Variants in LRRK1 observed in about 807,000 individuals in gnomAD.
LRRK1 encodes leucine-rich repeat serine/threonine-protein kinase 1.
In LRRK1, 113 loss-of-function variants were observed where a neutral mutation model predicts 209.1. The ratio of observed to expected loss-of-function variants is 0.54; its 90% CI spans 0.46 to 0.63. The LOEUF (loss-of-function observed/expected upper bound fraction) is 0.63. LRRK1 is among the 30% of genes least tolerant of loss of function. The pLI is 0.00. For missense variants in LRRK1, 2,284 were observed against 2,632.2 expected, an observed-to-expected ratio of 0.87 and a Z score of 2.89; for synonymous variants, 1,144 against 1,099.7, an observed-to-expected ratio of 1.04 and a Z score of -0.80.
intron 6 of LRRK1, among the ~76,000 whole-genome samples, chr15:100,991,006 T>C (rs1373774896): frequency 6.6e-6 from 1 of 152,202 alleles, no homozygotes; most frequent in Non-Finnish European, 1.5e-5. Context: ...TTTGTGTGTA[T>C]TGTATGAGGG....
rs569190650 is a variant in LRRK1 at position 101,024,353 on chromosome 15, A to T, written c.2068-450A>T. ...AGCTCATCTTTTGTTTGATTCCCAC[A>T]GGGTGGGAGGGAGTTTCCCAGCATC... On this transcript the variant is annotated intron_variant, in intron 15 of 33. Coordinates refer to ENST00000388948, the MANE Select transcript of LRRK1 (RefSeq NM_024652.6). This position sits in a 1 kb window ranked among gnomAD's most constrained non-coding sequence, Gnocchi z 4.6. Among the ~76,000 whole-genome samples, 38 of 152,304 alleles carry T rather than the reference A, an allele frequency of 2.5e-4. No homozygotes were observed. Among genetic ancestry groups the T allele is most frequent in the Non-Finnish European group, 4.4e-4 (30 of 68,018 alleles).
chr15:101,058,787 TA>T (rs113354333), intron 29 of LRRK1, among the ~76,000 whole-genome samples: 23 of 147,844 alleles, frequency 1.6e-4, no homozygotes, highest in African/African-American at 4.0e-4. Flanking sequence ...TTGCCAGAGT[TA>T]AAAAAAAAAC....
chr15:100,947,999 G>T (rs74041858), intron 2 of LRRK1, among the ~76,000 whole-genome samples: 11,209 of 152,282 alleles, frequency 0.074, 988 homozygotes, highest in African/African-American at 0.21. Context: ...TAAGACAGTT[G>T]CTTGACAAGG....
intron 10 of LRRK1, among the ~76,000 whole-genome samples, chr15:101,012,900 CG>C (rs57376372): frequency 3.4e-4 from 51 of 149,800 alleles, no homozygotes; most frequent in African/African-American, 5.9e-4. Context: ...GGGGTGCCCC[CG>C]GGGGGGGGTG....
intron 12 of LRRK1, among the ~76,000 whole-genome samples, chr15:101,016,844 G>T (rs565272987): frequency 6.6e-6 from 1 of 152,318 alleles, no homozygotes; most frequent in Admixed American, 6.5e-5. Context: ...CTGAGGTGAG[G>T]CCAAGGTTGC....
At chr15:101,018,403 AG>A (rs2033639730) in intron 12 of LRRK1, among the ~76,000 whole-genome samples, 1 of 152,202 alleles carries the variant, frequency 6.6e-6, no homozygotes, top group Admixed American at 6.5e-5. Flanking sequence ...CTTAGAAGGA[AG>A]GGGAAACAAA....
intron 6 of LRRK1, 124 bp from the exon 7 acceptor site, chr15:101,008,713 T>C: frequency 1.3e-6 from 1 of 750,476 alleles, no homozygotes; most frequent in South Asian, 1.7e-5. Flanking sequence ...TGTGCAGGCC[T>C]CTTGGGACCC....
rs376455076 is a variant in LRRK1 at position 101,055,007 on chromosome 15, G to A, written c.4116G>A (p.Ser1372=). 407 of 1,613,874 alleles carry A rather than the reference G, an allele frequency of 2.5e-4. No individual in the cohort carries two copies. Among genetic ancestry groups the A allele is most frequent in the Admixed American group, 5.5e-4 (33 of 59,992 alleles). ...LTQKIAYQIA[S]GLAYLHKKNI... ...AAAAAATAGCCTACCAGATCGCCTC[G>A]GGCCTGGCCTACCTGCACAAGAAAA... Residue 1372 remains serine (S), a synonymous_variant, in exon 27 of 34, where the codon TCG becomes TCA. Transcript: ENST00000388948.
intron 2 of LRRK1, among the ~76,000 whole-genome samples, chr15:100,938,277 C>CT: frequency 6.6e-6 from 1 of 152,000 alleles, no homozygotes; most frequent in East Asian, 1.9e-4. Context: ...CATGGGCAAT[C>CT]TTTTTTTTAA....
chr15:100,930,352 G>C (rs1401139158), intron 2 of LRRK1, among the ~76,000 whole-genome samples: 1 of 152,158 alleles, frequency 6.6e-6, no homozygotes, highest in African/African-American at 2.4e-5. Flanking sequence ...TCTGTCTGTG[G>C]GCTAATTATT....
At chr15:101,038,989 G>T (rs2034618596) in intron 20 of LRRK1, among the ~76,000 whole-genome samples, 1 of 152,156 alleles carries the variant, frequency 6.6e-6, no homozygotes, top group Non-Finnish European at 1.5e-5. Context: ...TTCCATGTAA[G>T]GTAACAATCA....
Position 101,053,314 on chromosome 15 carries a change from C to A in LRRK1, c.3948C>A (p.His1316Gln), listed in dbSNP as rs1337938231. 1 of 1,605,394 alleles carries A rather than the reference C, an allele frequency of 6.2e-7. No homozygotes were observed. The highest frequency in any genetic ancestry group is 8.5e-7 in the Non-Finnish European group (1 of 1,179,842). ...CCAGCATGCTGCACGCGCTGCAGCA[C>A]CCCTGCATCGTGGCGCTCATCGGCA... ...QEASMLHALQHPCIVALIGIS... is the reference protein window; with the variant it reads ...QEASMLHALQQPCIVALIGIS... The change falls in exon 26 of 34, where the codon CAC (histidine) becomes CAA (glutamine). Residue 1316 changes from histidine to glutamine, a missense_variant. By Grantham distance (24) the His-to-Gln change is conservative (BLOSUM62 0). Around this residue, in one of 6 missense-constraint regions of LRRK1, gnomAD observed 780 missense variants for 985.2 expected, o/e 0.79. Coordinates refer to ENST00000388948, the MANE Select transcript of LRRK1 (RefSeq NM_024652.6).
intron 2 of LRRK1, among the ~76,000 whole-genome samples, chr15:100,958,702 C>T (rs1007550814): frequency 2.0e-5 from 3 of 152,198 alleles, no homozygotes; most frequent in African/African-American, 7.2e-5. Flanking sequence ...AGGCAGTGTT[C>T]TAAGCACTTC....
intron 2 of LRRK1, among the ~76,000 whole-genome samples, chr15:100,950,690 A>G (rs996451760): frequency 1.3e-5 from 2 of 152,274 alleles, no homozygotes; most frequent in Non-Finnish European, 2.9e-5. Flanking sequence ...GACATAATCA[A>G]GAAAGTGAAA....
chr15:101,035,519 A>G (rs1035509278), intron 20 of LRRK1, among the ~76,000 whole-genome samples: 2 of 152,038 alleles, frequency 1.3e-5, no homozygotes, highest in African/African-American at 4.8e-5. Flanking sequence ...GCAATGCTTT[A>G]CTTTCAGTCT....
At chr15:100,944,734 A>G (rs938044508) in intron 2 of LRRK1, among the ~76,000 whole-genome samples, 2 of 152,246 alleles carry the variant, frequency 1.3e-5, no homozygotes, top group African/African-American at 4.8e-5. Flanking sequence ...CCTGGAAGAC[A>G]TGCAGAGGAA....
At chr15:100,997,292 C>G (rs1046050171) in intron 6 of LRRK1, among the ~76,000 whole-genome samples, 1 of 152,038 alleles carries the variant, frequency 6.6e-6, no homozygotes, top group African/African-American at 2.4e-5. Context: ...AAATAACTGA[C>G]AAACACTTAA....
In LRRK1 at chr15:101,024,610, C is replaced by G. The variant is rs1044290514; in HGVS notation, c.2068-193C>G. Among the ~76,000 whole-genome samples, 1 of 152,254 alleles carries G rather than the reference C, an allele frequency of 6.6e-6. No individual in the cohort carries two copies. Among genetic ancestry groups the G allele is most frequent in the African/African-American group, 2.4e-5 (1 of 41,464 alleles). Reference sequence around the variant, plus strand: ...TAGACAGAAGTCCCAGAAGCCCACCCCCATGCCACCGGGCCCCTGTCCCTC... The same window carrying G: ...TAGACAGAAGTCCCAGAAGCCCACCGCCATGCCACCGGGCCCCTGTCCCTC... On this transcript the variant is annotated intron_variant, in intron 15 of 33. Transcript: ENST00000388948. The surrounding 1 kb of genome is among the most constrained non-coding windows in gnomAD (Gnocchi z 4.6).
intron 31 of LRRK1, among the ~76,000 whole-genome samples, chr15:101,062,902 C>A (rs1466630486): frequency 6.6e-6 from 1 of 152,204 alleles, no homozygotes; most frequent in Non-Finnish European, 1.5e-5. Flanking sequence ...AGTCCCCAGC[C>A]AGACTGCAGG....
Sources: allele counts gnomAD v4.1 joint callset (sites outside exome capture counted in the v4.1 genomes callset), GRCh38; gene constraint gnomAD v4.1.1; regional missense constraint gnomAD v4.1.1; non-coding constraint Gnocchi (gnomAD v3.1); transcripts MANE v1.5; gene names NCBI Gene and HGNC (gene_info 2026-07-23, HGNC 2026-07-21).